CPA6: variants seen among roughly 807,000 people sequenced by gnomAD.
CPA6 encodes the protein carboxypeptidase A6, also known as carboxypeptidase B.
CPA6 carries 58 observed loss-of-function variants against 63.3 expected under a neutral mutation model. That is an observed-to-expected ratio of 0.92 (90% CI 0.74 to 1.14). The LOEUF (loss-of-function observed/expected upper bound fraction) is 1.14, where lower values mean the gene tolerates loss of function less well. Ranked by LOEUF, CPA6 falls within the 50% of genes most tolerant of loss-of-function variation. The pLI is 0.00. For synonymous variants in CPA6, 185 were observed against 179.0 expected, an observed-to-expected ratio of 1.03 and a Z score of -0.27; for missense variants, 565 against 526.6, an observed-to-expected ratio of 1.07 and a Z score of -0.71.
At chr8:67,604,266 A>C (rs999914327) in intron 2 of CPA6, among the ~76,000 whole-genome samples, 7 of 152,192 alleles carry the variant, frequency 4.6e-5, no homozygotes, top group African/African-American at 1.7e-4. Flanking sequence ...GAAGGAACAC[A>C]TCTGGTTGTG....
At chr8:67,607,126 CCT>C (rs1814662184) in intron 2 of CPA6, among the ~76,000 whole-genome samples, 7 of 91,118 alleles carry the variant, frequency 7.7e-5, no homozygotes, top group East Asian at 3.0e-4. Context: ...TCCTCCTCCT[CCT>C]CCTCCTCCCC....
chr8:67,577,929 A>T lies in CPA6; in HGVS notation c.192+46247T>A, dbSNP rs10504402. ...CCAGTACATCAACTCACCTGAGATGATAAAATTGTTCCCTTAGAGCAGGAT... is the reference window on the plus strand; with the variant it reads ...CCAGTACATCAACTCACCTGAGATGTTAAAATTGTTCCCTTAGAGCAGGAT... On this transcript the variant is annotated intron_variant, in intron 2 of 10. Transcript: ENST00000297770. Among the ~76,000 whole-genome samples the T allele has an allele frequency of 7.4e-3, 1,121 of 152,306 alleles. 52 individuals carry two copies. In the East Asian group the frequency reaches 0.12, roughly 16 times the overall value.
intron 1 of CPA6, among the ~76,000 whole-genome samples, chr8:67,731,764 A>G (rs979161848): frequency 6.6e-6 from 1 of 152,192 alleles, no homozygotes; most frequent in Admixed American, 6.5e-5. Flanking sequence ...ACGGCACCTA[A>G]AGAGATAGAA....
intron 2 of CPA6, among the ~76,000 whole-genome samples, chr8:67,558,300 T>C (rs953190042): frequency 2.0e-5 from 3 of 152,208 alleles, no homozygotes; most frequent in African/African-American, 7.2e-5. Flanking sequence ...TTCTATATAA[T>C]CCGTTTATTT....
chr8:67,453,990 T>G (rs1424064308), intron 8 of CPA6, among the ~76,000 whole-genome samples: 1 of 152,260 alleles, frequency 6.6e-6, no homozygotes, highest in Non-Finnish European at 1.5e-5. Context: ...ATTTTATGGT[T>G]GATTTTATGG....
chr8:67,592,859 A>C (rs896503227), intron 2 of CPA6, among the ~76,000 whole-genome samples: 3 of 151,894 alleles, frequency 2.0e-5, no homozygotes, highest in South Asian at 4.2e-4. Context: ...TAATTTTTTG[A>C]AGGGTTTTTT....
chr8:67,539,492 A>G (rs2128970558), intron 2 of CPA6, among the ~76,000 whole-genome samples: 1 of 152,210 alleles, frequency 6.6e-6, no homozygotes, highest in South Asian at 2.1e-4. Context: ...GCTCTTCTCA[A>G]GGAGTATCTT....
chr8:67,496,540 T>C (rs1284360189), intron 6 of CPA6, among the ~76,000 whole-genome samples: 1 of 139,630 alleles, frequency 7.2e-6, no homozygotes, highest in Non-Finnish European at 1.5e-5. Context: ...TATATATATA[T>C]ATATATATAT....
At chr8:67,482,638 G>A (rs1811383873) in intron 8 of CPA6, among the ~76,000 whole-genome samples, 1 of 152,158 alleles carries the variant, frequency 6.6e-6, no homozygotes, top group Admixed American at 6.5e-5. Flanking sequence ...CAAGGGATAG[G>A]TTACTGATAC....
intron 6 of CPA6, among the ~76,000 whole-genome samples, chr8:67,498,437 G>T (rs1414216261): frequency 6.0e-5 from 9 of 149,764 alleles, no homozygotes; most frequent in African/African-American, 2.2e-4. Context: ...TCAGGAGGCT[G>T]AGGCAGGAGT....
At chr8:67,722,202 A>G (rs924782714) in intron 1 of CPA6, among the ~76,000 whole-genome samples, 1 of 152,206 alleles carries the variant, frequency 6.6e-6, no homozygotes, top group Non-Finnish European at 1.5e-5. Context: ...TAACATTGCT[A>G]TCACTGCCTA....
chr8:67,564,203 A>T (rs1813282258), intron 2 of CPA6, among the ~76,000 whole-genome samples: 1 of 152,168 alleles, frequency 6.6e-6, no homozygotes, highest in Non-Finnish European at 1.5e-5. Flanking sequence ...AGGAAACAGA[A>T]AGCACTAGGC....
chr8:67,577,880 T>C (rs905077645), intron 2 of CPA6, among the ~76,000 whole-genome samples: 1 of 152,168 alleles, frequency 6.6e-6, no homozygotes, highest in Admixed American at 6.5e-5. Context: ...ATAAGAAATA[T>C]GTTGCAGTCT....
At chr8:67,686,574 G>A (rs560440159) in intron 1 of CPA6, among the ~76,000 whole-genome samples, 8 of 152,322 alleles carry the variant, frequency 5.3e-5, no homozygotes, top group African/African-American at 1.9e-4. Context: ...CAAACCCATT[G>A]TATACTGCAA....
chr8:67,489,410 G>T (rs1811557345), intron 6 of CPA6, among the ~76,000 whole-genome samples: 1 of 152,100 alleles, frequency 6.6e-6, no homozygotes, highest in South Asian at 2.1e-4. Flanking sequence ...AATCACCTAC[G>T]ATACATAGTA....
At chr8:67,493,111 G>A (rs539457057) in intron 6 of CPA6, among the ~76,000 whole-genome samples, 2 of 152,264 alleles carry the variant, frequency 1.3e-5, no homozygotes, top group South Asian at 4.1e-4. Flanking sequence ...AGACGTGTTT[G>A]CTTACTCAGC....
chr8:67,598,662 A>G (rs2128982806), intron 2 of CPA6, among the ~76,000 whole-genome samples: 1 of 152,300 alleles, frequency 6.6e-6, no homozygotes, highest in Non-Finnish European at 1.5e-5. Context: ...TGGCATCAAA[A>G]ATAGACAAAG....
chr8:67,605,531 C>CTTTTTTTTTTTTTTTTTTTTT (rs68153641), intron 2 of CPA6, among the ~76,000 whole-genome samples: 1 of 125,268 alleles, frequency 8.0e-6, no homozygotes, highest in Non-Finnish European at 1.7e-5. Context: ...TATTGTATTG[C>CTTTTTTTTTTTTTTTTTTTTT]TTTTTTTTTT....
Position 67,635,527 on chromosome 8 carries a change from G to A in CPA6, c.117-11276C>T, listed in dbSNP as rs1397805810. Reference sequence around the variant, plus strand: ...TCATGCCTGTAATCCCAGCACTTTGGGAAGCCAAGGAGGGGGGATCACCTG... The same window carrying A: ...TCATGCCTGTAATCCCAGCACTTTGAGAAGCCAAGGAGGGGGGATCACCTG... On this transcript the variant is annotated intron_variant, in intron 1 of 10. Transcript: ENST00000297770. Among the ~76,000 whole-genome samples, 6 of 151,854 alleles carry A rather than the reference G, an allele frequency of 4.0e-5. No homozygotes were observed. The East Asian group carries it at 1.2e-3, about 29-fold the overall frequency.
Sources: gnomAD v4.1 joint callset for allele counts (sites outside exome capture counted in the v4.1 genomes callset) on GRCh38, gnomAD v4.1.1 for gene constraint, MANE v1.5 for transcripts, NCBI Gene and HGNC (gene_info 2026-07-23, HGNC 2026-07-21) for gene names.